CPZ: variants seen among roughly 807,000 people sequenced by gnomAD.
CPZ encodes the protein carboxypeptidase Z.
In CPZ, 103 loss-of-function variants were observed where a neutral mutation model predicts 61.8. That is an observed-to-expected ratio of 1.67 (90% CI 1.42 to 1.96). The LOEUF (loss-of-function observed/expected upper bound fraction) is 1.96, where lower values mean the gene tolerates loss of function less well. Among genes scored for constraint, CPZ ranks in the 30% most tolerant of loss-of-function variants. The pLI, the probability that CPZ is intolerant of heterozygous loss-of-function variation, is 0.00. For missense variants in CPZ, 1,461 were observed against 914.9 expected (o/e 1.60, Z -7.70); for synonymous variants, 551 against 373.7 (o/e 1.47, Z -5.47).
intron 9 of CPZ, among the ~76,000 whole-genome samples, chr4:8,615,232 C>T (rs1314887050): frequency 6.6e-6 from 1 of 151,990 alleles, no homozygotes; most frequent in Non-Finnish European, 1.5e-5. Flanking sequence ...GAGAATGTGT[C>T]TAAAATGACC....
intron 9 of CPZ, among the ~76,000 whole-genome samples, chr4:8,616,575 G>A (rs1219283361): frequency 6.6e-6 from 1 of 152,186 alleles, no homozygotes. Flanking sequence ...TGGAGGAGGA[G>A]GAGTGTGAGC....
chr4:8,596,096 G>T (rs1428629207), intron 1 of CPZ, among the ~76,000 whole-genome samples: 1 of 151,470 alleles, frequency 6.6e-6, no homozygotes, highest in African/African-American at 2.4e-5. Context: ...CTGTCACCCA[G>T]GCTGGAGTGC....
In CPZ at chr4:8,606,267, G is replaced by A. The variant is rs187124022; in HGVS notation, c.906+82G>A. On this transcript the variant is annotated intron_variant, in intron 5 of 10. Transcript: ENST00000360986. ...ATCCATTTATGAGTAGTTTATCCCA[G>A]CAGTGCTTCGTTCCTGCCTCTCTAG... is the stretch of plus-strand genomic sequence containing the variant. The A allele has an allele frequency of 1.1e-4, 145 of 1,354,430 alleles. No individual in the cohort carries two copies. In the Admixed American group the frequency reaches 3.0e-3, roughly 28 times the overall value. 83.9% of individuals were successfully genotyped at this position (1,354,430 alleles called of 1,614,324 possible).
rs138232433 is a variant in CPZ at position 8,618,468 on chromosome 4, G to C, written c.1543G>C (p.Gly515Arg). The C allele has an allele frequency of 6.2e-7, 1 of 1,614,146 alleles. No individual in the cohort carries two copies. ...GIKGVVTDKF[G>R]KPVKNARISV... ...CAAAGGTGTGGTGACAGATAAATTC[G>C]GCAAGCCAGTCAAAAACGCCCGGAT... The change falls in exon 10 of 11, where the codon GGC becomes CGC. Residue 515 changes from glycine (G) to arginine (R), a missense_variant. Transcript: ENST00000360986.
At chr4:8,618,556 G>A (rs781214302) in intron 10 of CPZ, 28 bp downstream of exon 10, 9 of 1,603,132 alleles carry the variant, frequency 5.6e-6, no homozygotes, top group South Asian at 1.1e-5. Context: ...TGTCCCCTGG[G>A]GACCACGTCT....
chr4:8,607,855 G>A (rs942139554), intron 7 of CPZ, among the ~76,000 whole-genome samples: 2 of 152,170 alleles, frequency 1.3e-5, no homozygotes, highest in African/African-American at 4.8e-5. Flanking sequence ...CGGGGGTCGT[G>A]CTTGCTTCTC....
chr4:8,617,466 C>A (rs997603232), intron 9 of CPZ, among the ~76,000 whole-genome samples: 2 of 152,182 alleles, frequency 1.3e-5, no homozygotes, highest in Non-Finnish European at 2.9e-5. Context: ...GGACTCCTCC[C>A]TCCATATAAA....
chr4:8,614,090 A>G (rs1334406876), intron 8 of CPZ, among the ~76,000 whole-genome samples: 2 of 152,252 alleles, frequency 1.3e-5, no homozygotes, highest in Non-Finnish European at 2.9e-5. Context: ...TAAATGCCTC[A>G]TGCCGCCATC....
At chr4:8,598,760 G>A (rs540046405) in intron 1 of CPZ, among the ~76,000 whole-genome samples, 1 of 152,268 alleles carries the variant, frequency 6.6e-6, no homozygotes, top group Non-Finnish European at 1.5e-5. Context: ...CATTGCTTAG[G>A]GTTGGCTGTG....
At chr4:8,612,868 G>A (rs550476413) in intron 8 of CPZ, among the ~76,000 whole-genome samples, 54 of 152,342 alleles carry the variant, frequency 3.5e-4, no homozygotes, top group South Asian at 2.1e-3. Context: ...CAGGACCCAC[G>A]TGGCATCCCC....
intron 7 of CPZ, 57 bp from the exon 8 acceptor site, chr4:8,611,970 C>T: frequency 6.2e-7 from 1 of 1,611,476 alleles, no homozygotes; most frequent in Non-Finnish European, 8.5e-7. Flanking sequence ...TTGACCCCAG[C>T]TCACAGGACG....
At chr4:8,594,583 G>T (rs556659046) in intron 1 of CPZ, among the ~76,000 whole-genome samples, 4 of 152,140 alleles carry the variant, frequency 2.6e-5, no homozygotes, top group Non-Finnish European at 4.4e-5. Flanking sequence ...GAGGACTGAC[G>T]GGCTGTCACT....
chr4:8,595,006 C>T (rs7439221), intron 1 of CPZ, among the ~76,000 whole-genome samples: 149,790 of 152,320 alleles, frequency 0.98, 73,696 homozygotes, highest in East Asian at 1. Context: ...TCTCCTGACC[C>T]CGTGATCCAC....
At chr4:8,606,599 T>G in intron 5 of CPZ, 138 bp from the exon 6 acceptor site, 1 of 1,093,336 alleles carries the variant, frequency 9.1e-7, no homozygotes, top group Non-Finnish European at 1.4e-6. Context: ...GGGTCAGGCA[T>G]GCCCCCGAGC....
Position 8,603,968 on chromosome 4 carries a change from TC to T in CPZ, c.497-3del. On this transcript the variant is annotated splice_polypyrimidine_tract_variant and splice_region_variant and intron_variant, in intron 3 of 10. Coordinates refer to ENST00000360986, the MANE Select transcript of CPZ (RefSeq NM_001014447.3). ...GACACTGACTGAGCCCCCCCACTGC[TC>T]CCCCAGGAGGCCTGGAGGCTGACGA... 1 of 1,611,222 alleles carries T rather than the reference TC, an allele frequency of 6.2e-7. No homozygotes were observed.
chr4:8,619,115 A>T, intron 10 of CPZ, 147 bp from the exon 11 acceptor site: 2 of 660,566 alleles, frequency 3.0e-6, no homozygotes, highest in East Asian at 2.9e-5. Flanking sequence ...AAGGGGTGGG[A>T]AGGACGTTCC....
Position 8,606,131 on chromosome 4 carries a change from C to A in CPZ, c.852C>A (p.Arg284=). Residue 284 remains arginine, a synonymous_variant, in exon 5 of 11, where the codon CGC becomes CGA. Transcript: ENST00000360986. ...TCCAGCGCCTGCTCAACACCACCCG[C>A]ATCCACCTGCTGCCCTCCATGAACC... ...PRIQRLLNTT[R]IHLLPSMNPD... 1.2e-6 allele frequency: 2 copies of A among 1,614,080 alleles called. No individual in the cohort carries two copies. Among genetic ancestry groups the A allele is most frequent in the Non-Finnish European group, 1.7e-6 (2 of 1,179,916 alleles).
At chr4:8,616,318 A>G (rs1254788249) in intron 9 of CPZ, among the ~76,000 whole-genome samples, 3 of 152,132 alleles carry the variant, frequency 2.0e-5, no homozygotes, top group Non-Finnish European at 4.4e-5. Context: ...TTTCCCCACC[A>G]GAGAACCGCA....
intron 7 of CPZ, among the ~76,000 whole-genome samples, chr4:8,608,683 G>T (rs1715261438): frequency 9.3e-6 from 1 of 108,048 alleles, no homozygotes; most frequent in South Asian, 3.0e-4. Context: ...CATATGTTGG[G>T]GTGGGGAACC....
Sources: gnomAD v4.1 joint callset for allele counts (sites outside exome capture counted in the v4.1 genomes callset) on GRCh38, gnomAD v4.1.1 for gene constraint, MANE v1.5 for transcripts, NCBI Gene and HGNC (gene_info 2026-07-23, HGNC 2026-07-21) for gene names.